Variants in MAGEB1 observed in about 807,000 individuals in gnomAD.
MAGEB1 encodes MAGE family member B1, also known as melanoma-associated antigen B1.
For missense variants in MAGEB1, 290 were observed against 286.7 expected (o/e 1.01, Z -0.08); for synonymous variants, 99 against 105.7 (o/e 0.94, Z 0.39).
chrX:30,248,375 G>A (rs1401968207), intron 1 of MAGEB1, among the ~76,000 whole-genome samples: 1 of 112,054 alleles, frequency 8.9e-6, no homozygotes, highest in East Asian at 2.8e-4. Context: ...GAGGAATGAG[G>A]TAACCGTCTA....
At position 30,251,380 on chromosome X, in the gene MAGEB1, C is replaced by G. The variant is rs1280405419; in HGVS notation, c.887C>G (p.Thr296Ser). The G allele has an allele frequency of 8.3e-7, 1 of 1,211,527 alleles. No homozygotes were observed. Among genetic ancestry groups the G allele is most frequent in the Non-Finnish European group, 1.1e-6 (1 of 895,477 alleles). ...TTTTTGGCCAAGATGAATGGTGCCA[C>G]TCCCCGTGACTTCCCATCCCATTAT... ...LEFLAKMNGA[T>S]PRDFPSHYEE... Residue 296 changes from threonine to serine, a missense_variant, in exon 2 of 2, where the codon ACT becomes AGT. Transcript: ENST00000397548.
intron 1 of MAGEB1, among the ~76,000 whole-genome samples, chrX:30,249,110 G>C (rs1238452899): frequency 9.0e-6 from 1 of 111,420 alleles, no homozygotes; most frequent in Non-Finnish European, 1.9e-5. Context: ...TACTCAGAGA[G>C]GTGAAGGCTT....
upstream of MAGEB1, among the ~76,000 whole-genome samples, chrX:30,246,595 G>T (rs1223804343): frequency 8.9e-6 from 1 of 111,851 alleles, no homozygotes; most frequent in Non-Finnish European, 1.9e-5. Context: ...TTTACAGAGC[G>T]AAGAGGCCGA....
chrX:30,249,383 C>T (rs1302090286), intron 1 of MAGEB1, among the ~76,000 whole-genome samples: 1 of 111,662 alleles, frequency 9.0e-6, no homozygotes, highest in Non-Finnish European at 1.9e-5. Context: ...CCCACCTCAT[C>T]AGTGGGGATC....
In MAGEB1 at chrX:30,251,335, C is replaced by T; in HGVS notation, c.842C>T (p.Thr281Ile). Residue 281 changes from threonine (T) to isoleucine (I), a missense_variant, in exon 2 of 2, where the codon ACC (threonine) becomes ATC (isoleucine). By Grantham distance (89) the Thr-to-Ile change is moderately conservative. Transcript: ENST00000397548. The stretch of plus-strand genomic sequence containing the variant: ...GGTCCGAGAGCCTATGCTGAAACCA[C>T]CAAGATGAAAGTCCTCGAGTTTTTG... ...LWGPRAYAETTKMKVLEFLAK... is the reference protein window; with the variant it reads ...LWGPRAYAETIKMKVLEFLAK... The T allele has an allele frequency of 8.3e-7, 1 of 1,212,035 alleles. No homozygotes were observed. The highest frequency in any genetic ancestry group is 1.1e-6 in the Non-Finnish European group (1 of 895,548).
upstream of MAGEB1, chrX:30,246,233 C>A (rs1231152704): frequency 4.5e-5 from 5 of 112,028 alleles, no homozygotes; most frequent in East Asian, 1.4e-3. Context: ...GATGGAAGGA[C>A]CCAGCCAAAA....
In MAGEB1 at chrX:30,250,542, A is replaced by G. The variant is rs1925476761; in HGVS notation, c.49A>G (p.Lys17Glu). 3 of 1,204,115 alleles carry G rather than the reference A, an allele frequency of 2.5e-6. No homozygotes were observed. The highest frequency in any genetic ancestry group is 3.4e-6 in the Non-Finnish European group (3 of 892,429). Residue 17 changes from lysine (K) to glutamate (E), a missense_variant, in exon 2 of 2, where the codon AAG becomes GAG. Coordinates refer to ENST00000397548, the MANE Select transcript of MAGEB1 (RefSeq NM_177404.3). Reference protein sequence around the residue: ...SKLRAREKRRKAREETQGLKV... With the variant: ...SKLRAREKRREAREETQGLKV... ...GCTCCGTGCTCGTGAGAAACGCCGC[A>G]AGGCGCGAGAGGAGACCCAGGGTCT... is the stretch of plus-strand genomic sequence containing the variant.
In MAGEB1 at chrX:30,251,002, C is replaced by T; in HGVS notation, c.509C>T (p.Pro170Leu). The T allele has an allele frequency of 8.3e-7, 1 of 1,211,636 alleles. No individual in the cohort carries two copies. Among genetic ancestry groups the T allele is most frequent in the East Asian group, 3.0e-5 (1 of 33,832 alleles). ...VFGLDLKEDN[P>L]SGHTYTLVSK... ...GGCCTTGATTTGAAGGAAGACAACC[C>T]TAGTGGCCACACCTACACCCTCGTC... The change falls in exon 2 of 2, where the codon CCT (proline) becomes CTT (leucine). Residue 170 changes from proline (P) to leucine (L), a missense_variant. Coordinates refer to ENST00000397548, the MANE Select transcript of MAGEB1 (RefSeq NM_177404.3).
At position 30,251,368 on chromosome X, in the gene MAGEB1, T is replaced by G; in HGVS notation, c.875T>G (p.Met292Arg). 3 of 1,211,555 alleles carry G rather than the reference T, an allele frequency of 2.5e-6. No individual in the cohort carries two copies. The highest frequency in any genetic ancestry group is 3.4e-6 in the Non-Finnish European group (3 of 895,414). ...AAAGTCCTCGAGTTTTTGGCCAAGATGAATGGTGCCACTCCCCGTGACTTC... is the reference window on the plus strand; with the variant it reads ...AAAGTCCTCGAGTTTTTGGCCAAGAGGAATGGTGCCACTCCCCGTGACTTC... ...KMKVLEFLAK[M>R]NGATPRDFPS... Residue 292 changes from methionine to arginine, a missense_variant, in exon 2 of 2, where the codon ATG (methionine) becomes AGG (arginine). Coordinates refer to ENST00000397548, the MANE Select transcript of MAGEB1 (RefSeq NM_177404.3).
At position 30,250,442 on chromosome X, in the gene MAGEB1, TCTC is replaced by T; in HGVS notation, c.-49_-47del. The stretch of plus-strand genomic sequence containing the variant: ...CATTCTCTCTCCTTCAGGTGCCACA[TCTC>T]CTGCCTTTCTGCTCACTTTCCTGCC... On this transcript the variant is annotated 5_prime_UTR_variant, in exon 2 of 2. Coordinates refer to ENST00000397548, the MANE Select transcript of MAGEB1 (RefSeq NM_177404.3). 3.9e-6 allele frequency: 4 copies of T among 1,031,373 alleles called. No individual in the cohort carries two copies. Among genetic ancestry groups the T allele is most frequent in the Non-Finnish European group, 5.2e-6 (4 of 764,809 alleles). 85.0% of individuals were successfully genotyped at this position (1,031,373 alleles called of 1,213,427 possible).
Position 30,251,440 on chromosome X carries a change from A to G in MAGEB1, c.947A>G (p.Gln316Arg), listed in dbSNP as rs1925523459. ...EALRDEEERA[Q>R]VRSSVRARRR... is the part of the protein sequence containing the mutation. Reference sequence around the variant, plus strand: ...TTGAGAGATGAGGAAGAGAGAGCCCAAGTCCGATCCAGTGTTAGAGCCAGG... The same window carrying G: ...TTGAGAGATGAGGAAGAGAGAGCCCGAGTCCGATCCAGTGTTAGAGCCAGG... The change falls in exon 2 of 2, where the codon CAA becomes CGA. Residue 316 changes from glutamine (Q) to arginine (R), a missense_variant. Transcript: ENST00000397548. 8.3e-7 allele frequency: 1 copy of G among 1,211,749 alleles called. No individual in the cohort carries two copies. Among genetic ancestry groups the G allele is most frequent in the African/African-American group, 1.7e-5 (1 of 57,787 alleles).
chrX:30,249,882 A>G (rs1925449279), intron 1 of MAGEB1, among the ~76,000 whole-genome samples: 3 of 111,572 alleles, frequency 2.7e-5, no homozygotes, highest in Admixed American at 9.5e-5. Flanking sequence ...GCCTTGGCCA[A>G]GGGTTGCCAG....
intron 1 of MAGEB1, among the ~76,000 whole-genome samples, chrX:30,249,836 C>T (rs1925447494): frequency 9.2e-6 from 1 of 108,993 alleles, no homozygotes; most frequent in African/African-American, 3.3e-5. Flanking sequence ...GGAAAAACAA[C>T]GATGCTAGCC....
Position 30,247,185 on chromosome X carries a change from G to C in MAGEB1, c.-132G>C, listed in dbSNP as rs1272958893. The C allele has an allele frequency of 9.5e-6, 1 of 105,297 alleles. No individual in the cohort carries two copies. Among genetic ancestry groups the C allele is most frequent in the South Asian group, 4.4e-4 (1 of 2,258 alleles). The allele number at this position is 105,297 out of a possible 1,213,427, so 8.7% of individuals were successfully genotyped here. Reference sequence around the variant, plus strand: ...TTTGAAGGCGAGGACCCCAGCGAGCGTAAGGGCGCAGTGTCCGCCTGGCGG... The same window carrying C: ...TTTGAAGGCGAGGACCCCAGCGAGCCTAAGGGCGCAGTGTCCGCCTGGCGG... On this transcript the variant is annotated 5_prime_UTR_variant, in exon 1 of 2. Coordinates refer to ENST00000397548, the MANE Select transcript of MAGEB1 (RefSeq NM_177404.3).
chrX:30,247,249 A>C lies in MAGEB1; in HGVS notation c.-68A>C, dbSNP rs1159709937. On this transcript the variant is annotated 5_prime_UTR_variant, in exon 1 of 2. Coordinates refer to ENST00000397548, the MANE Select transcript of MAGEB1 (RefSeq NM_177404.3). ...GGCGGAAGTCGTCCCAGGCTGCTAGATACTAAGGTGAGGAACCCTAGTGGG... is the reference window on the plus strand; with the variant it reads ...GGCGGAAGTCGTCCCAGGCTGCTAGCTACTAAGGTGAGGAACCCTAGTGGG... 9.1e-6 allele frequency: 1 copy of C among 109,949 alleles called. No homozygotes were observed. The highest frequency in any genetic ancestry group is 3.3e-5 in the African/African-American group (1 of 30,015). 9.1% of individuals were successfully genotyped at this position (109,949 alleles called of 1,213,427 possible).
At position 30,251,355 on chromosome X, in the gene MAGEB1, T is replaced by G; in HGVS notation, c.862T>G (p.Phe288Val). 2 of 1,209,685 alleles carry G rather than the reference T, an allele frequency of 1.7e-6. No homozygotes were observed. Among genetic ancestry groups the G allele is most frequent in the Non-Finnish European group, 2.2e-6 (2 of 894,774 alleles). ...AACCACCAAGATGAAAGTCCTCGAG[T>G]TTTTGGCCAAGATGAATGGTGCCAC... ...AETTKMKVLE[F>V]LAKMNGATPR... Residue 288 changes from phenylalanine to valine, a missense_variant, in exon 2 of 2, where the codon TTT (phenylalanine) becomes GTT (valine). By Grantham distance (50) the Phe-to-Val change is conservative. Transcript: ENST00000397548.
At chrX:30,247,126 C>G (rs1168058381), upstream of MAGEB1, 2 of 108,398 alleles carry the variant, frequency 1.8e-5, no homozygotes, top group African/African-American at 6.8e-5. Flanking sequence ...CCGGAGGCCA[C>G]GGGCTGCCGG....
chrX:30,244,784 T>C (rs1209064969), upstream of MAGEB1, among the ~76,000 whole-genome samples: 1 of 111,710 alleles, frequency 9.0e-6, no homozygotes, highest in Non-Finnish European at 1.9e-5. Flanking sequence ...CCAGAGGGGA[T>C]CTTTGCCTGG....
chrX:30,249,740 G>GA (rs1925442805), intron 1 of MAGEB1, among the ~76,000 whole-genome samples: 1 of 111,715 alleles, frequency 9.0e-6, no homozygotes, highest in East Asian at 2.8e-4. Flanking sequence ...AGAGAGAACA[G>GA]AGCCCTAGGC....
Sources: gnomAD v4.1 joint callset for allele counts (sites outside exome capture counted in the v4.1 genomes callset) on GRCh38, gnomAD v4.1.1 for gene constraint, MANE v1.5 for transcripts, NCBI Gene and HGNC (gene_info 2026-07-23, HGNC 2026-07-21) for gene names.